Variants in KAZN observed in about 807,000 individuals in gnomAD.
KAZN encodes the protein kazrin, periplakin interacting protein.
Under a neutral mutation model 87.4 loss-of-function variants are expected in KAZN, and 40 were observed. That is an observed-to-expected ratio of 0.46 (90% CI 0.36 to 0.60). The LOEUF is 0.60. Among genes scored for constraint, KAZN ranks in the 20% least tolerant of loss-of-function variants. KAZN has a pLI of 0.00. For synonymous variants in KAZN, 466 were observed against 458.3 expected (o/e 1.02, Z -0.22); for missense variants, 898 against 1,073.9 (o/e 0.84, Z 2.29).
At chr1:14,507,934 T>G (rs1571821835) in intron 2 of KAZN, among the ~76,000 whole-genome samples, 1 of 151,356 alleles carries the variant, frequency 6.6e-6, no homozygotes, top group East Asian at 2.0e-4. Context: ...GCCACTGCTC[T>G]CCAGCCTGGG....
intron 1 of KAZN, among the ~76,000 whole-genome samples, chr1:14,009,060 A>C (rs1415820233): frequency 6.6e-6 from 1 of 152,200 alleles, no homozygotes; most frequent in Non-Finnish European, 1.5e-5. Flanking sequence ...GGAATCACAC[A>C]GTATTTTATT....
intron 4 of KAZN, among the ~76,000 whole-genome samples, chr1:15,050,784 C>G (rs1489504276): frequency 3.3e-5 from 5 of 151,460 alleles, no homozygotes; most frequent in African/African-American, 1.2e-4. Flanking sequence ...TGAGCCACGC[C>G]TGTCGTTGCC....
intron 1 of KAZN, among the ~76,000 whole-genome samples, chr1:14,946,740 C>T (rs1661848049): frequency 6.6e-6 from 1 of 152,118 alleles, no homozygotes; most frequent in Non-Finnish European, 1.5e-5. Context: ...TGTCAGCATG[C>T]CTTACTCATT....
At chr1:15,044,906 C>A (rs992331290) in intron 4 of KAZN, among the ~76,000 whole-genome samples, 5 of 152,082 alleles carry the variant, frequency 3.3e-5, no homozygotes, top group African/African-American at 1.2e-4. Flanking sequence ...GTCTTTGCAG[C>A]AAAAATGTCT....
chr1:14,157,360 C>T (rs765087239), intron 1 of KAZN, among the ~76,000 whole-genome samples: 11 of 152,068 alleles, frequency 7.2e-5, no homozygotes, highest in African/African-American at 2.4e-4. Context: ...AAGATGAAGC[C>T]GACCTACTTT....
At chr1:13,965,776 T>C (rs1003611724) in intron 1 of KAZN, among the ~76,000 whole-genome samples, 3 of 152,186 alleles carry the variant, frequency 2.0e-5, no homozygotes, top group African/African-American at 7.2e-5. Flanking sequence ...AAGTCTAGTG[T>C]CTTCTCATAA....
At chr1:13,955,358 T>G (rs946125988) in intron 1 of KAZN, among the ~76,000 whole-genome samples, 14 of 152,348 alleles carry the variant, frequency 9.2e-5, no homozygotes, top group African/African-American at 3.4e-4. Context: ...CCTATTTTAC[T>G]GTGTAAAGTG....
intron 2 of KAZN, among the ~76,000 whole-genome samples, chr1:14,435,171 C>T (rs1277772407): frequency 1.3e-5 from 2 of 152,204 alleles, no homozygotes; most frequent in Admixed American, 6.5e-5. Context: ...CTTCAGAGCT[C>T]TGATCCACTG....
At chr1:13,955,509 T>C (rs1438019038) in intron 1 of KAZN, among the ~76,000 whole-genome samples, 1 of 152,144 alleles carries the variant, frequency 6.6e-6, no homozygotes, top group Admixed American at 6.5e-5. Flanking sequence ...TTTTAGACTT[T>C]AGGGATTTTG....
At chr1:14,972,061 C>G (rs1312117722) in intron 2 of KAZN, among the ~76,000 whole-genome samples, 3 of 152,160 alleles carry the variant, frequency 2.0e-5, no homozygotes, top group Admixed American at 2.0e-4. Context: ...CTCCCTGGCC[C>G]CTTCCCAGGA....
rs56861974 is a variant in KAZN, at chr1:14,857,534, C to CAAATAAAT, written c.227-103138_227-103131dup. Among the ~76,000 whole-genome samples, 380 of 150,450 alleles carry CAAATAAAT rather than the reference C, an allele frequency of 2.5e-3. 4 individuals are homozygous for CAAATAAAT. The highest frequency in any genetic ancestry group is 8.5e-3 in the African/African-American group (344 of 40,626). ...GGTGACAGAGTGAGACACACTCTCA[C>CAAATAAAT]AAATAAATAAATAAATAAAAGCTGG... On this transcript the variant is annotated intron_variant, in intron 1 of 14. Transcript: ENST00000376030.
At chr1:15,090,154 G>T (rs1424362664) in intron 8 of KAZN, among the ~76,000 whole-genome samples, 1 of 152,222 alleles carries the variant, frequency 6.6e-6, no homozygotes, top group African/African-American at 2.4e-5. Flanking sequence ...AGAAACGGAG[G>T]CTTCAAGGAA....
chr1:14,977,207 G>T (rs182027351), intron 2 of KAZN, among the ~76,000 whole-genome samples: 12 of 152,220 alleles, frequency 7.9e-5, no homozygotes, highest in Admixed American at 1.3e-4. Flanking sequence ...AGGACCTGAC[G>T]GTGTCTGTCT....
intron 13 of KAZN, among the ~76,000 whole-genome samples, chr1:15,109,033 C>A (rs969475157): frequency 6.6e-6 from 1 of 152,130 alleles, no homozygotes; most frequent in African/African-American, 2.4e-5. Flanking sequence ...GCCAAGGTCA[C>A]CCCGTATTCC....
intron 8 of KAZN, among the ~76,000 whole-genome samples, chr1:15,085,799 A>G (rs1640226054): frequency 1.3e-5 from 2 of 152,252 alleles, no homozygotes; most frequent in Admixed American, 6.5e-5. Flanking sequence ...CTGGAATCCC[A>G]GAAGGAGAGA....
intron 4 of KAZN, among the ~76,000 whole-genome samples, chr1:15,048,075 T>G (rs1041287715): frequency 2.0e-5 from 3 of 152,192 alleles, no homozygotes; most frequent in African/African-American, 4.8e-5. Context: ...AAGCAGGTAT[T>G]GGGGAAAGAG....
chr1:14,860,084 G>A (rs1461838538), intron 1 of KAZN, among the ~76,000 whole-genome samples: 1 of 152,070 alleles, frequency 6.6e-6, no homozygotes, highest in Non-Finnish European at 1.5e-5. Context: ...AGGTACCATT[G>A]CAACAGTAGC....
rs1456947531 is a variant in KAZN, at chr1:14,976,321, C to T, written c.418+15446C>T. 2.0e-5 allele frequency among the ~76,000 whole-genome samples: 3 copies of T among 152,154 alleles called. No homozygotes were observed. The East Asian group carries it at 5.8e-4, about 29-fold the overall frequency. ...GTAGCTGGGACTACTCAGAACAGCA[C>T]GTCATCAGGCCAGGCCTACTGTGGA... On this transcript the variant is annotated intron_variant, in intron 2 of 14. Transcript: ENST00000376030.
At chr1:14,610,771 T>C (rs1677751910) in intron 1 of KAZN, among the ~76,000 whole-genome samples, 1 of 152,106 alleles carries the variant, frequency 6.6e-6, no homozygotes, top group Non-Finnish European at 1.5e-5. Context: ...GATGTGTGTA[T>C]TCTTTGGGTA....
Sources: allele counts gnomAD v4.1 joint callset (sites outside exome capture counted in the v4.1 genomes callset), GRCh38; gene constraint gnomAD v4.1.1; transcripts MANE v1.5; gene names NCBI Gene and HGNC (gene_info 2026-07-23, HGNC 2026-07-21).